TOX3: variants seen among roughly 807,000 people sequenced by gnomAD.
TOX3 encodes the protein TOX high mobility group box family member 3.
TOX3 carries 22 observed loss-of-function variants against 64.3 expected under a neutral mutation model. That is an observed-to-expected ratio of 0.34 (90% CI 0.24 to 0.49). The LOEUF (loss-of-function observed/expected upper bound fraction) is 0.49. Among genes scored for constraint, TOX3 ranks in the 20% least tolerant of loss-of-function variants. TOX3 has a pLI of 0.99. For missense variants in TOX3, 661 were observed against 714.4 expected, an observed-to-expected ratio of 0.93 and a Z score of 0.85; for synonymous variants, 291 against 273.6, an observed-to-expected ratio of 1.06 and a Z score of -0.63.
rs535623752 is a variant in TOX3 at position 52,515,379 on chromosome 16, A to AT, written c.87+31257dup. Among the ~76,000 whole-genome samples, 12 of 152,308 alleles carry AT rather than the reference A, an allele frequency of 7.9e-5. No individual in the cohort carries two copies. In the South Asian group the frequency reaches 2.1e-3, roughly 26 times the overall value. On this transcript the variant is annotated intron_variant, in intron 1 of 6. Coordinates refer to ENST00000219746, the MANE Select transcript of TOX3 (RefSeq NM_001080430.4). The stretch of plus-strand genomic sequence containing the variant: ...TTCCATCTCCATGAAACTAAAAAGT[A>AT]TAATTTTTAAGCTGCAGAACAAATC...
chr16:52,465,470 G>GTTTTTTT (rs34739813), intron 2 of TOX3, among the ~76,000 whole-genome samples: 2 of 103,996 alleles, frequency 1.9e-5, no homozygotes, highest in Non-Finnish European at 3.9e-5. Flanking sequence ...TTTCTTTTTG[G>GTTTTTTT]TTTTTTTTTT....
Position 52,439,064 on chromosome 16 carries a change from C to T in TOX3, c.*161G>A, listed in dbSNP as rs1382951418. The T allele has an allele frequency of 1.0e-6, 1 of 978,836 alleles. No individual in the cohort carries two copies. 60.6% of individuals were successfully genotyped at this position (978,836 alleles called of 1,614,324 possible). On this transcript the variant is annotated 3_prime_UTR_variant, in exon 7 of 7. Coordinates refer to ENST00000219746, the MANE Select transcript of TOX3 (RefSeq NM_001080430.4). ...AGCTAAAAGATGTTACTCAGCTACA[C>T]TGCAGTTCTTATTGCCTATCTAATA...
intron 3 of TOX3, among the ~76,000 whole-genome samples, chr16:52,455,972 G>A (rs1361141876): frequency 2.0e-5 from 3 of 152,156 alleles, no homozygotes; most frequent in African/African-American, 7.2e-5. Flanking sequence ...CCAAGCCAGG[G>A]CATCCCAGAC....
In TOX3 at chr16:52,546,843, G is replaced by A. The variant is rs148595037; in HGVS notation, c.-120C>T. ...CCGGGGGTGGCGCGTGGGACTCGCG[G>A]CCGGAGGGGCGCCGGGACCCAGAGC... On this transcript the variant is annotated 5_prime_UTR_variant, in exon 1 of 7. Coordinates refer to ENST00000219746, the MANE Select transcript of TOX3 (RefSeq NM_001080430.4). 2.8e-3 allele frequency: 3,422 copies of A among 1,237,784 alleles called. 86 individuals carry two copies. In the African/African-American group the frequency reaches 0.049, roughly 18 times the overall value. 76.7% of individuals were successfully genotyped at this position (1,237,784 alleles called of 1,614,324 possible).
At chr16:52,485,102 T>C (rs1378287596) in intron 1 of TOX3, among the ~76,000 whole-genome samples, 1 of 149,816 alleles carries the variant, frequency 6.7e-6, no homozygotes, top group Non-Finnish European at 1.5e-5. Context: ...TGTATATATA[T>C]ACACATGTAT....
intron 1 of TOX3, among the ~76,000 whole-genome samples, chr16:52,470,440 T>G (rs1447293239): frequency 6.6e-6 from 1 of 152,068 alleles, no homozygotes; most frequent in Non-Finnish European, 1.5e-5. Flanking sequence ...CACAGAGTAT[T>G]TTTTTTAAGA....
chr16:52,542,450 T>C (rs1963094066), intron 1 of TOX3, among the ~76,000 whole-genome samples: 1 of 152,208 alleles, frequency 6.6e-6, no homozygotes, highest in Non-Finnish European at 1.5e-5. Context: ...TATTCCAACA[T>C]TTAAAATTCA....
chr16:52,469,062 T>G (rs904701192), intron 1 of TOX3, among the ~76,000 whole-genome samples: 1 of 152,206 alleles, frequency 6.6e-6, no homozygotes, highest in Non-Finnish European at 1.5e-5. Flanking sequence ...GAATGGGGTG[T>G]GGCATGAATA....
intron 1 of TOX3, among the ~76,000 whole-genome samples, chr16:52,507,901 C>T (rs78268044): frequency 0.017 from 2,557 of 152,098 alleles, 38 homozygotes; most frequent in Non-Finnish European, 0.025. Flanking sequence ...CAACAGAATT[C>T]CCAGGAAGGA....
chr16:52,510,917 T>C (rs892851653), intron 1 of TOX3, among the ~76,000 whole-genome samples: 1 of 152,132 alleles, frequency 6.6e-6, no homozygotes, highest in East Asian at 1.9e-4. Context: ...AAATTTTGGA[T>C]GCCACTATGC....
chr16:52,442,913 T>C (rs1368655973), intron 6 of TOX3, among the ~76,000 whole-genome samples: 2 of 152,208 alleles, frequency 1.3e-5, no homozygotes, highest in Non-Finnish European at 2.9e-5. Context: ...ATCCTGATTC[T>C]AGTATGCAAT....
In TOX3 at chr16:52,440,838, G is replaced by A. The variant is rs527796855; in HGVS notation, c.988-870C>T. Among the ~76,000 whole-genome samples, 33 of 130,646 alleles carry A rather than the reference G, an allele frequency of 2.5e-4. No individual in the cohort carries two copies. The South Asian group carries it at 8.3e-3, about 33-fold the overall frequency. The allele number at this position is 130,646 out of a possible 152,430, so 85.7% of individuals were successfully genotyped here. A position where few individuals can be genotyped will look rare whatever the true frequency, so the allele number is the denominator to read the frequency against. On this transcript the variant is annotated intron_variant, in intron 6 of 6. Transcript: ENST00000219746. ...TGCAGCGGCGCGATCTCAGCTCACT[G>A]CAACCTCTGCCTCCTGGGTTTGTGC...
At chr16:52,512,934 C>T (rs980054011) in intron 1 of TOX3, among the ~76,000 whole-genome samples, 2 of 152,096 alleles carry the variant, frequency 1.3e-5, no homozygotes, top group Admixed American at 6.6e-5. Flanking sequence ...GTAACGTAAG[C>T]GAAAACAATA....
chr16:52,509,603 A>T (rs987342509), intron 1 of TOX3, among the ~76,000 whole-genome samples: 5 of 152,208 alleles, frequency 3.3e-5, no homozygotes, highest in African/African-American at 1.2e-4. Flanking sequence ...ATTTTACCTA[A>T]GACAGAGAAT....
chr16:52,462,894 G>C (rs1596792522), intron 3 of TOX3, among the ~76,000 whole-genome samples: 2 of 150,698 alleles, frequency 1.3e-5, no homozygotes, highest in African/African-American at 4.9e-5. Flanking sequence ...AAACACAAAA[G>C]ATCACAAGCA....
chr16:52,440,015 T>C, intron 6 of TOX3, 47 bp from the exon 7 acceptor site: 1 of 1,395,296 alleles, frequency 7.2e-7, no homozygotes, highest in Non-Finnish European at 9.6e-7. Flanking sequence ...CACATAAGTA[T>C]TTAAAATATT....
chr16:52,501,458 G>A (rs1462377935), intron 1 of TOX3, among the ~76,000 whole-genome samples: 1 of 152,076 alleles, frequency 6.6e-6, no homozygotes, highest in Admixed American at 6.5e-5. Context: ...GATCACCTGA[G>A]GCCAGGAGTT....
intron 2 of TOX3, among the ~76,000 whole-genome samples, chr16:52,464,479 T>C (rs151069329): frequency 7.2e-5 from 11 of 152,322 alleles, no homozygotes; most frequent in Admixed American, 2.0e-4. Context: ...AGTTGGAGCA[T>C]ATAACAAATT....
intron 1 of TOX3, among the ~76,000 whole-genome samples, chr16:52,469,037 ATTCTATT>A (rs1256689801): frequency 6.6e-6 from 1 of 152,206 alleles, no homozygotes; most frequent in Non-Finnish European, 1.5e-5. Context: ...CAGGACTCAA[ATTCTATT>A]TTCTAGTGAA....
Sources: allele counts gnomAD v4.1 joint callset (sites outside exome capture counted in the v4.1 genomes callset), GRCh38; gene constraint gnomAD v4.1.1; transcripts MANE v1.5; gene names NCBI Gene and HGNC (gene_info 2026-07-23, HGNC 2026-07-21).